The following DRC7 variants were observed in gnomAD, a reference collection of about 807,000 sequenced individuals.
The protein encoded by DRC7 is coiled-coil domain containing 135.
DRC7 carries 80 observed loss-of-function variants against 104.4 expected under a neutral mutation model. That is an observed-to-expected ratio of 0.77 (90% CI 0.64 to 0.92). DRC7 has a LOEUF of 0.92. Among genes scored for constraint, DRC7 ranks in the 40% least tolerant of loss-of-function variants. The pLI is 0.00. For missense variants in DRC7, 1,034 were observed against 1,141.1 expected, an observed-to-expected ratio of 0.91 and a Z score of 1.35; for synonymous variants, 405 against 447.3, an observed-to-expected ratio of 0.91 and a Z score of 1.19.
intron 12 of DRC7, 51 bp downstream of exon 12, chr16:57,723,181 C>T (rs1458844817): frequency 6.3e-7 from 1 of 1,595,994 alleles, no homozygotes; most frequent in Non-Finnish European, 8.5e-7. Flanking sequence ...GTAGAGGCCT[C>T]ACACACCCTG....
intron 9 of DRC7, among the ~76,000 whole-genome samples, chr16:57,720,221 C>T (rs755909956): frequency 6.6e-5 from 10 of 152,182 alleles, no homozygotes; most frequent in African/African-American, 2.2e-4. Context: ...TTACCCAAAG[C>T]GATACAGCTG....
In DRC7 at chr16:57,718,392, C is replaced by T; in HGVS notation, c.1123C>T (p.Leu375Phe). The T allele has an allele frequency of 1.2e-6, 2 of 1,614,134 alleles. No individual in the cohort carries two copies. The highest frequency in any genetic ancestry group is 8.5e-7 in the Non-Finnish European group (1 of 1,179,994). ...TGACCCTGTGAGATGGGAGTACATG[C>T]TCCTGGGGACTGATAAGTCTCAGCT... ...LGDPVRWEYM[L>F]LGTDKSQLSL... The change falls in exon 9 of 19, where the codon CTC (leucine) becomes TTC (phenylalanine). Residue 375 changes from leucine (L) to phenylalanine (F), a missense_variant. Physicochemically the swap from Leu to Phe is conservative, Grantham distance 22. Transcript: ENST00000360716.
At chr16:57,725,992 T>C in intron 13 of DRC7, 76 bp from the exon 14 acceptor site, 2 of 1,313,476 alleles carry the variant, frequency 1.5e-6, no homozygotes, top group Non-Finnish European at 2.1e-6. Context: ...TCGTTGCTCC[T>C]GCCTGCGGGC....
chr16:57,700,475 C>T (rs538618265), intron 5 of DRC7, among the ~76,000 whole-genome samples: 29 of 152,078 alleles, frequency 1.9e-4, no homozygotes, highest in African/African-American at 6.0e-4. Context: ...GGCGAAACCC[C>T]GTCTCTACTA....
intron 17 of DRC7, among the ~76,000 whole-genome samples, chr16:57,730,406 C>T (rs533093944): frequency 3.4e-4 from 51 of 150,796 alleles, no homozygotes; most frequent in African/African-American, 8.8e-4. Flanking sequence ...GACGGATGGA[C>T]GGATGGATGG....
chr16:57,728,545 C>A lies in DRC7; in HGVS notation c.2352C>A (p.Leu784=), dbSNP rs745554082. ...DECLSDFKQR[L]INKANLIQAR... Reference sequence around the variant, plus strand: ...GCCTCAGCGACTTCAAGCAGCGGCTCATCAACAAGGCCAACCTCATCCAGG... The same window carrying A: ...GCCTCAGCGACTTCAAGCAGCGGCTAATCAACAAGGCCAACCTCATCCAGG... Residue 784 remains leucine (L), a synonymous_variant, in exon 17 of 19, where the codon CTC becomes CTA. Transcript: ENST00000360716. The A allele has an allele frequency of 6.2e-7, 1 of 1,610,232 alleles. No homozygotes were observed. Among genetic ancestry groups the A allele is most frequent in the South Asian group, 1.1e-5 (1 of 90,658 alleles).
intron 13 of DRC7, chr16:57,725,580 T>A (rs2048953015): frequency 1.3e-5 from 2 of 158,806 alleles, no homozygotes; most frequent in African/African-American, 2.4e-5. Flanking sequence ...CTCTCATATG[T>A]TGCCACGGAT....
In DRC7 at chr16:57,707,500, G is replaced by A. The variant is rs751669139; in HGVS notation, c.899G>A (p.Arg300Gln). Residue 300 changes from arginine to glutamine, a missense_variant, in exon 8 of 19, where the codon CGG (arginine) becomes CAG (glutamine). Coordinates refer to ENST00000360716, the MANE Select transcript of DRC7 (RefSeq NM_001289162.2). The stretch of plus-strand genomic sequence containing the variant: ...AAGCCGGATGCCCTGCACGGCCTGC[G>A]GGTGCACTCCTGGGTCCTTGTGCTA... Reference protein sequence around the residue: ...KAKPDALHGLRVHSWVLVLSG... With the variant: ...KAKPDALHGLQVHSWVLVLSG... 8.7e-6 allele frequency: 14 copies of A among 1,613,210 alleles called. No homozygotes were observed. The highest frequency in any genetic ancestry group is 2.2e-5 in the East Asian group (1 of 44,886).
intron 8 of DRC7, among the ~76,000 whole-genome samples, chr16:57,716,545 A>G (rs574960718): frequency 4.3e-4 from 65 of 151,616 alleles, no homozygotes; most frequent in Admixed American, 5.9e-4. Context: ...TATCTATACA[A>G]TTGGGTTCCT....
intron 5 of DRC7, 184 bp from the exon 6 acceptor site, chr16:57,701,752 G>T: frequency 1.7e-6 from 1 of 579,700 alleles, no homozygotes; most frequent in Non-Finnish European, 3.1e-6. Flanking sequence ...GAATGGCATG[G>T]TGTCTGGTTG....
Position 57,698,116 on chromosome 16 carries a change from T to C in DRC7, c.167T>C (p.Leu56Pro). 1 of 1,614,150 alleles carries C rather than the reference T, an allele frequency of 6.2e-7. No homozygotes were observed. The highest frequency in any genetic ancestry group is 1.1e-5 in the South Asian group (1 of 91,076). Residue 56 changes from leucine to proline, a missense_variant, in exon 3 of 19, where the codon CTG becomes CCG. Coordinates refer to ENST00000360716, the MANE Select transcript of DRC7 (RefSeq NM_001289162.2). ...QETLRDLEKK[L>P]SEIQITVSAE... is the part of the protein sequence containing the mutation. ...ACGCTCAGAGACCTGGAGAAGAAGC[T>C]GTCAGAGATCCAGATCACTGTCTCA...
At position 57,700,188 on chromosome 16, in the gene DRC7, C is replaced by T; in HGVS notation, c.422C>T (p.Pro141Leu). The change falls in exon 5 of 19, where the codon CCC becomes CTC. Residue 141 changes from proline (P) to leucine (L), a missense_variant. Pro to Leu is a moderately conservative substitution (Grantham distance 98). Coordinates refer to ENST00000360716, the MANE Select transcript of DRC7 (RefSeq NM_001289162.2). ...TTLRPTLMPY[P>L]ELYNWDSCAQ... ...CTCCGGCCCACACTGATGCCCTACC[C>T]CGAGCTCTACAACTGGGACAGCTGT... The T allele has an allele frequency of 6.2e-7, 1 of 1,614,050 alleles. No individual in the cohort carries two copies. Among genetic ancestry groups the T allele is most frequent in the Non-Finnish European group, 8.5e-7 (1 of 1,179,998 alleles).
At chr16:57,697,867 C>CCTGGG in intron 2 of DRC7, 46 bp from the exon 3 acceptor site, 1 of 1,541,290 alleles carries the variant, frequency 6.5e-7, no homozygotes, top group Non-Finnish European at 8.7e-7. Flanking sequence ...GTGGCTCCTG[C>CCTGGG]CTGGGCTGAC....
At chr16:57,723,203 A>G in intron 12 of DRC7, 73 bp downstream of exon 12, 1 of 1,546,970 alleles carries the variant, frequency 6.5e-7, no homozygotes, top group East Asian at 2.3e-5. Flanking sequence ...GGCAGGTGGT[A>G]TGTGGTGGCA....
chr16:57,729,810 G>C (rs1383556937), intron 17 of DRC7, among the ~76,000 whole-genome samples: 3 of 133,146 alleles, frequency 2.3e-5, no homozygotes, highest in African/African-American at 9.5e-5. Context: ...GGATGAGTGA[G>C]TAGGTGGGTG....
chr16:57,729,574 A>G lies in DRC7; in HGVS notation c.2391+990A>G, dbSNP rs1046405681. Among the ~76,000 whole-genome samples, 11 of 60,864 alleles carry G rather than the reference A, an allele frequency of 1.8e-4. No homozygotes were observed. In the East Asian group the frequency reaches 3.2e-3, roughly 18 times the overall value. The allele number at this position is 60,864 out of a possible 152,430, so 39.9% of individuals were successfully genotyped here. On this transcript the variant is annotated intron_variant, in intron 17 of 18. Coordinates refer to ENST00000360716, the MANE Select transcript of DRC7 (RefSeq NM_001289162.2). ...GGTGGATGGATGAGTGGGTGGGTGG[A>G]TGGATGAGTGGGTGGGTGGATGGAT...
intron 15 of DRC7, 138 bp downstream of exon 15, chr16:57,727,080 C>A: frequency 1.5e-6 from 1 of 663,034 alleles, no homozygotes; most frequent in Non-Finnish European, 2.7e-6. Flanking sequence ...CCCACCTCAT[C>A]CTCCCAGGTA....
Position 57,702,112 on chromosome 16 carries a change from C to T in DRC7, c.681C>T (p.Leu227=), listed in dbSNP as rs757304599. ...HMDLTREVCP[L]TVKPKETIKK... ...ACCTGACGCGGGAGGTGTGCCCACTCACTGTGAAGCCCAAGGAGGTATGGT... is the reference window on the plus strand; with the variant it reads ...ACCTGACGCGGGAGGTGTGCCCACTTACTGTGAAGCCCAAGGAGGTATGGT... Residue 227 remains leucine (L), a synonymous_variant, in exon 6 of 19, where the codon CTC becomes CTT. Coordinates refer to ENST00000360716, the MANE Select transcript of DRC7 (RefSeq NM_001289162.2). 1.9e-5 allele frequency: 31 copies of T among 1,614,012 alleles called. No homozygotes were observed. Among genetic ancestry groups the T allele is most frequent in the Admixed American group, 6.7e-5 (4 of 60,012 alleles).
At chr16:57,698,301 C>A in intron 3 of DRC7, 149 bp downstream of exon 3, 3 of 1,280,170 alleles carry the variant, frequency 2.3e-6, no homozygotes, top group South Asian at 1.5e-5. Flanking sequence ...TTCAAATGGC[C>A]TGGGCCGAGT....
Sources: allele counts gnomAD v4.1 joint callset (sites outside exome capture counted in the v4.1 genomes callset), GRCh38; gene constraint gnomAD v4.1.1; transcripts MANE v1.5; gene names NCBI Gene and HGNC (gene_info 2026-07-23, HGNC 2026-07-21).